Variants in PTPRN2 observed in about 807,000 individuals in gnomAD.
PTPRN2 encodes receptor-type tyrosine-protein phosphatase N2.
PTPRN2 carries 74 observed loss-of-function variants against 118.8 expected under a neutral mutation model. The ratio of observed to expected loss-of-function variants is 0.62; its 90% CI spans 0.52 to 0.76. The LOEUF (loss-of-function observed/expected upper bound fraction) is 0.76. PTPRN2 is among the 30% of genes least tolerant of loss of function. The pLI is 0.00. For synonymous variants in PTPRN2, 641 were observed against 608.0 expected (o/e 1.05, Z -0.80); for missense variants, 1,481 against 1,394.4 (o/e 1.06, Z -0.99).
chr7:158,342,495 AAACCCACACTCT>A, intron 2 of PTPRN2, among the ~76,000 whole-genome samples: 1 of 85,522 alleles, frequency 1.2e-5, no homozygotes, highest in Non-Finnish European at 2.3e-5. Flanking sequence ...GACGTCACTC[AAACCCACACTCT>A]CACCATAAGA....
chr7:158,513,621 T>TAG (rs1486607865), intron 1 of PTPRN2, among the ~76,000 whole-genome samples: 1 of 3,312 alleles, frequency 3.0e-4, no homozygotes, highest in Non-Finnish European at 4.6e-4. Flanking sequence ...TAGTTTATTA[T>TAG]AGACAGAGAG....
intron 9 of PTPRN2, among the ~76,000 whole-genome samples, chr7:158,131,838 A>AACACACAC (rs140758625): frequency 2.0e-5 from 3 of 147,900 alleles, no homozygotes; most frequent in Non-Finnish European, 3.0e-5. Flanking sequence ...ACATCTACCC[A>AACACACAC]ACACACACAC....
chr7:158,030,063 G>T (rs1290176966), intron 11 of PTPRN2: 1 of 152,216 alleles, frequency 6.6e-6, no homozygotes, highest in African/African-American at 2.4e-5. Context: ...TATTTTGTTA[G>T]ATTAGAAGCA....
intron 6 of PTPRN2, among the ~76,000 whole-genome samples, chr7:158,147,558 C>A (rs1236996856): frequency 1.4e-5 from 2 of 139,452 alleles, no homozygotes; most frequent in African/African-American, 2.7e-5. Flanking sequence ...GTCATTCCCC[C>A]TCACTGACAC....
chr7:158,004,436 A>G (rs1381368402), intron 11 of PTPRN2, among the ~76,000 whole-genome samples: 1 of 152,202 alleles, frequency 6.6e-6, no homozygotes, highest in Admixed American at 6.5e-5. Flanking sequence ...ACCAGCATCT[A>G]TTTTTAAAGA....
rs200400079 is a variant in PTPRN2, at chr7:158,487,864, TA to T, written c.163+1870del. On this transcript the variant is annotated intron_variant, in intron 2 of 22. Coordinates refer to ENST00000389418, the MANE Select transcript of PTPRN2 (RefSeq NM_002847.5). ...TGTTTCCTAGACCTTCAGTGCATCA[TA>T]AAAAAAAAAAATCAAATATCATCTG... Among the ~76,000 whole-genome samples the T allele has an allele frequency of 3.7e-4, 54 of 147,656 alleles. 1 individual carries two copies. Among genetic ancestry groups the T allele is most frequent in the African/African-American group, 7.2e-4 (29 of 40,152 alleles).
In PTPRN2 at chr7:157,718,524, C is replaced by T. The variant is rs535268514; in HGVS notation, c.1789-35587G>A. ...TCTGCCCCGCAGCCCTGAGGTGAGT[C>T]TCAGCATGTCCAGGCGTCTGAGGTG... On this transcript the variant is annotated intron_variant, in intron 12 of 22. Coordinates refer to ENST00000389418, the MANE Select transcript of PTPRN2 (RefSeq NM_002847.5). Among the ~76,000 whole-genome samples, 34 of 152,284 alleles carry T rather than the reference C, an allele frequency of 2.2e-4. No homozygotes were observed. The East Asian group carries it at 5.4e-3, about 24-fold the overall frequency.
chr7:157,638,141 A>G (rs573485338), intron 14 of PTPRN2, among the ~76,000 whole-genome samples: 1 of 152,384 alleles, frequency 6.6e-6, no homozygotes, highest in South Asian at 2.1e-4. Context: ...CACCAAAAAT[A>G]CCAGAAAGAC....
chr7:158,125,887 C>A (rs559402824), intron 9 of PTPRN2, among the ~76,000 whole-genome samples: 1 of 152,170 alleles, frequency 6.6e-6, no homozygotes, highest in Non-Finnish European at 1.5e-5. Flanking sequence ...CTCGGCTGCA[C>A]CCCGTCCTGG....
intron 3 of PTPRN2, among the ~76,000 whole-genome samples, chr7:158,249,131 CCA>C (rs1205313670): frequency 6.6e-6 from 1 of 151,104 alleles, no homozygotes; most frequent in African/African-American, 2.4e-5. Context: ...GCCACACACA[CCA>C]CACGTGAATC....
At chr7:157,638,082 T>G (rs1343093997) in intron 14 of PTPRN2, among the ~76,000 whole-genome samples, 1 of 152,230 alleles carries the variant, frequency 6.6e-6, no homozygotes, top group Non-Finnish European at 1.5e-5. Flanking sequence ...TATATGCACA[T>G]GAGCAATAAT....
chr7:157,837,603 C>T lies in PTPRN2; in HGVS notation c.1788+61070G>A, dbSNP rs77046446. Among the ~76,000 whole-genome samples, 618 of 152,154 alleles carry T rather than the reference C, an allele frequency of 4.1e-3. 8 individuals are homozygous for T. The highest frequency in any genetic ancestry group is 0.014 in the African/African-American group (582 of 41,502). ...GCTTGACAGCCTCTGCTGGGTCATG[C>T]CCTCTTGCTCTGTGCCTGAGTCCTT... On this transcript the variant is annotated intron_variant, in intron 12 of 22. Coordinates refer to ENST00000389418, the MANE Select transcript of PTPRN2 (RefSeq NM_002847.5).
Position 158,541,805 on chromosome 7 carries a change from G to A in PTPRN2, c.112+45753C>T, listed in dbSNP as rs552662379. ...TATCAGAGGAGAAGGGGCCAAGGCCGCTGGGGAAGCTGAGAGACTGCAGAG... is the reference window on the plus strand; with the variant it reads ...TATCAGAGGAGAAGGGGCCAAGGCCACTGGGGAAGCTGAGAGACTGCAGAG... On this transcript the variant is annotated intron_variant, in intron 1 of 22. Coordinates refer to ENST00000389418, the MANE Select transcript of PTPRN2 (RefSeq NM_002847.5). The A allele has an allele frequency of 2.8e-5, 26 of 915,046 alleles. No individual in the cohort carries two copies. The South Asian group carries it at 7.5e-4, about 27-fold the overall frequency. 56.7% of individuals were successfully genotyped at this position (915,046 alleles called of 1,614,324 possible). A position where few individuals can be genotyped will look rare whatever the true frequency, so the allele number is the denominator to read the frequency against.
At chr7:158,200,905 T>C (rs1010662081) in intron 4 of PTPRN2, among the ~76,000 whole-genome samples, 2 of 152,232 alleles carry the variant, frequency 1.3e-5, no homozygotes, top group African/African-American at 2.4e-5. Context: ...AAAAGCAAAT[T>C]ATTTATGTGA....
chr7:158,402,416 T>G (rs1813018256), intron 2 of PTPRN2, among the ~76,000 whole-genome samples: 1 of 152,156 alleles, frequency 6.6e-6, no homozygotes, highest in Non-Finnish European at 1.5e-5. Flanking sequence ...CTCATGCTGT[T>G]GGCCAGTGCA....
At chr7:158,499,102 G>A (rs200458154) in intron 1 of PTPRN2, among the ~76,000 whole-genome samples, 1 of 152,276 alleles carries the variant, frequency 6.6e-6, no homozygotes, top group Middle Eastern at 3.4e-3. Flanking sequence ...AAGCACCAAA[G>A]CCCTCTAACA....
intron 1 of PTPRN2, among the ~76,000 whole-genome samples, chr7:158,521,928 T>G (rs1824135341): frequency 2.1e-5 from 2 of 93,458 alleles, no homozygotes. Flanking sequence ...GTCACAATGG[T>G]GGACTGTCCG....
intron 2 of PTPRN2, among the ~76,000 whole-genome samples, chr7:158,467,837 T>G (rs1197555323): frequency 6.6e-6 from 1 of 152,194 alleles, no homozygotes; most frequent in African/African-American, 2.4e-5. Flanking sequence ...GTAATTCTGC[T>G]GCCAAAGACC....
At chr7:158,471,812 C>T (rs967288839) in intron 2 of PTPRN2, among the ~76,000 whole-genome samples, 1 of 152,220 alleles carries the variant, frequency 6.6e-6, no homozygotes, top group African/African-American at 2.4e-5. Flanking sequence ...GAAAAGCAAC[C>T]AAGAAGACTC....
Sources: allele counts gnomAD v4.1 joint callset (sites outside exome capture counted in the v4.1 genomes callset), GRCh38; gene constraint gnomAD v4.1.1; transcripts MANE v1.5; gene names NCBI Gene and HGNC (gene_info 2026-07-23, HGNC 2026-07-21).